The following ZAN variants were observed in gnomAD, a reference collection of about 807,000 sequenced individuals.
The protein encoded by ZAN is zonadhesin.
ZAN carries 260 observed loss-of-function variants against 286.2 expected under a neutral mutation model. The ratio of observed to expected loss-of-function variants is 0.91; its 90% confidence interval spans 0.82 to 1.01. The LOEUF (loss-of-function observed/expected upper bound fraction) is 1.01. Among genes scored for constraint, ZAN ranks in the 50% least tolerant of loss-of-function variants. The pLI is 0.00. For synonymous variants in ZAN, 1,368 were observed against 1,417.5 expected, an observed-to-expected ratio of 0.97 and a Z score of 0.79; for missense variants, 3,410 against 3,639.2, an observed-to-expected ratio of 0.94 and a Z score of 1.62.
At chr7:100,785,252 G>C (rs1811485819) in intron 36 of ZAN, among the ~76,000 whole-genome samples, 1 of 140,890 alleles carries the variant, frequency 7.1e-6, no homozygotes. Context: ...TTTTGAGACG[G>C]AGTCTCCCTC....
chr7:100,792,557 C>T, intron 42 of ZAN, 78 bp downstream of exon 42: 1 of 1,596,884 alleles, frequency 6.3e-7, no homozygotes, highest in Non-Finnish European at 8.5e-7. Context: ...GAGGTGTTGC[C>T]CCTCCCTGTG....
At position 100,765,407 on chromosome 7, in the gene ZAN, C is replaced by T; in HGVS notation, c.4323C>T (p.Asp1441=). 1 of 1,613,998 alleles carries T rather than the reference C, an allele frequency of 6.2e-7. No homozygotes were observed. Among genetic ancestry groups the T allele is most frequent in the Non-Finnish European group, 8.5e-7 (1 of 1,179,896 alleles). The change falls in exon 23 of 48, where the codon GAC becomes GAT. Residue 1441 remains aspartate (D), a synonymous_variant. Coordinates refer to ENST00000613979, the MANE Select transcript of ZAN (RefSeq NM_003386.3). ...CCCTGTGTGCGAAGCCATGCCCTGACACCTGCCATTCAGGATTCTCCGGCA... is the reference window on the plus strand; with the variant it reads ...CCCTGTGTGCGAAGCCATGCCCTGATACCTGCCATTCAGGATTCTCCGGCA... ...KYSLCAKPCP[D]TCHSGFSGMF... is the part of the protein sequence containing the mutation.
chr7:100,765,968 G>T lies in ZAN; in HGVS notation c.4470+414G>T, dbSNP rs563568826. The stretch of plus-strand genomic sequence containing the variant: ...CACCATGCCTGGCCCTTGTTTTTTG[G>T]TTTTTTGTTGTTGTTTTTGGTTTTT... On this transcript the variant is annotated intron_variant, in intron 23 of 47. Transcript: ENST00000613979. 3.1e-3 allele frequency among the ~76,000 whole-genome samples: 461 copies of T among 149,138 alleles called. 4 individuals carry two copies. Among genetic ancestry groups the T allele is most frequent in the Non-Finnish European group, 2.4e-3 (163 of 67,312 alleles).
chr7:100,791,860 T>G, intron 40 of ZAN, 106 bp from the exon 41 acceptor site: 1 of 1,360,400 alleles, frequency 7.4e-7, no homozygotes, highest in Non-Finnish European at 9.9e-7. Flanking sequence ...CCCGGGTAGC[T>G]GGGACTCCAG....
At position 100,793,864 on chromosome 7, in the gene ZAN, C is replaced by A. The variant is rs774020565; in HGVS notation, c.7832C>A (p.Thr2611Asn). ...SRYHISELYDTLPSILCQPGR... is the reference protein window; with the variant it reads ...SRYHISELYDNLPSILCQPGR... ...TACCATATATCAGAGCTGTATGACACCCTGCCCAGCATCCTGTGCCAACCT... is the reference window on the plus strand; with the variant it reads ...TACCATATATCAGAGCTGTATGACAACCTGCCCAGCATCCTGTGCCAACCT... Residue 2611 changes from threonine (T) to asparagine (N), a missense_variant, in exon 43 of 48, where the codon ACC (threonine) becomes AAC (asparagine). Transcript: ENST00000613979. 6 of 1,613,252 alleles carry A rather than the reference C, an allele frequency of 3.7e-6. No individual in the cohort carries two copies. The East Asian group carries it at 6.7e-5, about 18-fold the overall frequency.
chr7:100,769,616 C>A (rs1810242463), intron 27 of ZAN, among the ~76,000 whole-genome samples: 1 of 151,790 alleles, frequency 6.6e-6, no homozygotes, highest in Admixed American at 6.6e-5. Context: ...GCAATCATAG[C>A]TCACTGAAGC....
At position 100,737,068 on chromosome 7, in the gene ZAN, C is replaced by T. The variant is rs1807361673; in HGVS notation, c.513C>T (p.Thr171=). 3 of 1,494,970 alleles carry T rather than the reference C, an allele frequency of 2.0e-6. 1 individual carries two copies. 92.6% of individuals were successfully genotyped at this position (1,494,970 alleles called of 1,614,324 possible). A position where few individuals can be genotyped will look rare whatever the true frequency, so the allele number is the denominator to read the frequency against. ...LTTVTVPAGF[T]LPTRLMFEGT... ...CCGTCACTGTGCCCGCAGGGTTCAC[C>T]CTGCCCACCCGGGTAAGGCCGGGGA... is the stretch of plus-strand genomic sequence containing the variant. The change falls in exon 5 of 48, where the codon ACC becomes ACT. Residue 171 remains threonine (T), a synonymous_variant. Transcript: ENST00000613979.
At chr7:100,793,349 A>T (rs1378025298) in intron 42 of ZAN, among the ~76,000 whole-genome samples, 2 of 152,012 alleles carry the variant, frequency 1.3e-5, no homozygotes, top group Non-Finnish European at 2.9e-5. Context: ...TCTAAAAAAA[A>T]TTTAAAAAAA....
intron 35 of ZAN, among the ~76,000 whole-genome samples, chr7:100,783,783 T>TATATACAC (rs377402352): frequency 0.02 from 400 of 20,454 alleles, 74 homozygotes; most frequent in South Asian, 0.034. Context: ...TATATATATA[T>TATATACAC]ACACATATAT....
intron 38 of ZAN, among the ~76,000 whole-genome samples, chr7:100,788,925 C>T (rs993480052): frequency 2.6e-5 from 4 of 152,102 alleles, no homozygotes; most frequent in African/African-American, 9.7e-5. Context: ...TCTGGAACTC[C>T]TGACCTCAAG....
chr7:100,746,745 A>T (rs763667058), intron 8 of ZAN, 43 bp downstream of exon 8: 1 of 1,602,132 alleles, frequency 6.2e-7, no homozygotes, highest in South Asian at 1.1e-5. Context: ...ATCTGGGCGC[A>T]TCTCCCAGGG....
rs774555783 is a variant in ZAN at position 100,747,545 on chromosome 7, T to C, written c.932-5T>C. On this transcript the variant is annotated splice_region_variant and splice_polypyrimidine_tract_variant and intron_variant, in intron 8 of 47. Transcript: ENST00000613979. ...CACTTCTCCTTCCAATTCCTTTCAC[T>C]GCAGGGAGTATCCGGAAACACACTC... The C allele has an allele frequency of 1.1e-4, 175 of 1,613,584 alleles. No homozygotes were observed. Among genetic ancestry groups the C allele is most frequent in the Non-Finnish European group, 1.4e-4 (171 of 1,179,660 alleles).
chr7:100,759,822 C>G lies in ZAN; in HGVS notation c.3673C>G (p.Leu1225Val), dbSNP rs771452599. 1.1e-4 allele frequency: 172 copies of G among 1,612,524 alleles called. No homozygotes were observed. Among genetic ancestry groups the G allele is most frequent in the Non-Finnish European group, 1.4e-4 (167 of 1,179,514 alleles). The change falls in exon 18 of 48, where the codon CTG becomes GTG. Residue 1225 changes from leucine (L) to valine (V), a missense_variant. Physicochemically the swap from Leu to Val is conservative, Grantham distance 32 (BLOSUM62 1). This residue lies in a region of ZAN where 1,042 missense variants were observed against 1,058.0 expected (regional missense o/e 0.98). Transcript: ENST00000613979. Reference sequence around the variant, plus strand: ...GACCCTGCCCGAGAGCACCGTCACCCTGCTTAAGGGCAGACGCACTCTGGT... The same window carrying G: ...GACCCTGCCCGAGAGCACCGTCACCGTGCTTAAGGGCAGACGCACTCTGGT... ...YVTLPESTVT[L>V]LKGRRTLVGG... is the part of the protein sequence containing the mutation.
chr7:100,778,564 C>T (rs1208408065), intron 34 of ZAN, among the ~76,000 whole-genome samples: 1 of 152,088 alleles, frequency 6.6e-6, no homozygotes, highest in African/African-American at 2.4e-5. Flanking sequence ...GCCTTGATCA[C>T]ACCACTGTAC....
At position 100,753,146 on chromosome 7, in the gene ZAN, CCTTG is replaced by C. The variant is rs769305676; in HGVS notation, c.3042_3045del (p.Leu1015Ter). On this transcript the variant is annotated frameshift_variant, in exon 14 of 48. Coordinates refer to ENST00000613979, the MANE Select transcript of ZAN (RefSeq NM_003386.3). LOFTEE classifies it high-confidence loss of function. Reference sequence around the variant, plus strand: ...AGCCCCACAGCCACTGGGCTGGCAGCCTTGGTGATGTCTCCACATGCTCCAAGTA... The same window carrying C: ...AGCCCCACAGCCACTGGGCTGGCAGCGTGATGTCTCCACATGCTCCAAGTA... 1.2e-6 allele frequency: 2 copies of C among 1,613,880 alleles called. No individual in the cohort carries two copies. The highest frequency in any genetic ancestry group is 8.5e-7 in the Non-Finnish European group (1 of 1,179,866).
rs1483684305 is a variant in ZAN, at chr7:100,797,578, G to C, written c.8368G>C (p.Glu2790Gln). ...TGTCTATTCCCCCATGCCTTCTAGA[G>C]AGAAAACGCAGGAGGGAGACAGACT... ...ECIYRTRRKR[E>Q]KTQEGDRLAR... The change falls in exon 47 of 48, where the codon GAG (glutamate) becomes CAG (glutamine). Residue 2790 changes from glutamate to glutamine, a missense_variant and splice_region_variant. Coordinates refer to ENST00000613979, the MANE Select transcript of ZAN (RefSeq NM_003386.3). 10 of 1,613,596 alleles carry C rather than the reference G, an allele frequency of 6.2e-6. No homozygotes were observed. The South Asian group carries it at 8.8e-5, about 14-fold the overall frequency.
At chr7:100,771,604 G>C (rs971243670) in intron 28 of ZAN, among the ~76,000 whole-genome samples, 5 of 151,972 alleles carry the variant, frequency 3.3e-5, no homozygotes, top group Admixed American at 3.3e-4. Context: ...GCTAATTTTT[G>C]TATTTTTAGT....
At chr7:100,783,169 G>A (rs966986723) in intron 35 of ZAN, among the ~76,000 whole-genome samples, 1 of 152,176 alleles carries the variant, frequency 6.6e-6, no homozygotes, top group African/African-American at 2.4e-5. Flanking sequence ...TCAGGAGGCT[G>A]AGAAAGGAGA....
intron 8 of ZAN, 37 bp downstream of exon 8, chr7:100,746,739 G>T (rs759383175): frequency 1.2e-6 from 2 of 1,606,202 alleles, no homozygotes; most frequent in South Asian, 2.2e-5. Context: ...ACACTGATCT[G>T]GGCGCATCTC....
Sources: allele counts gnomAD v4.1 joint callset (sites outside exome capture counted in the v4.1 genomes callset), GRCh38; gene constraint gnomAD v4.1.1; regional missense constraint gnomAD v4.1.1; transcripts MANE v1.5; gene names NCBI Gene and HGNC (gene_info 2026-07-23, HGNC 2026-07-21).